The following KCNIP4 variants were observed in gnomAD, a reference collection of about 807,000 sequenced individuals.
KCNIP4 encodes potassium voltage-gated channel interacting protein 4.
In KCNIP4, 12 loss-of-function variants were observed where a neutral mutation model predicts 34.0. The ratio of observed to expected loss-of-function variants is 0.35; its 90% CI spans 0.23 to 0.57. The LOEUF is 0.57. Among genes scored for constraint, KCNIP4 ranks in the 20% least tolerant of loss-of-function variants. KCNIP4 has a pLI of 0.83. For missense variants in KCNIP4, 238 were observed against 311.7 expected, an observed-to-expected ratio of 0.76 and a Z score of 1.78; for synonymous variants, 124 against 102.2, an observed-to-expected ratio of 1.21 and a Z score of -1.29.
chr4:20,811,610 T>C (rs1560483267), intron 3 of KCNIP4, among the ~76,000 whole-genome samples: 2 of 152,166 alleles, frequency 1.3e-5, no homozygotes, highest in Non-Finnish European at 2.9e-5. Flanking sequence ...TTGAATGGCA[T>C]GCTAAGGAGT....
At chr4:21,338,845 T>C (rs1004179878) in intron 1 of KCNIP4, among the ~76,000 whole-genome samples, 1 of 152,124 alleles carries the variant, frequency 6.6e-6, no homozygotes, top group Non-Finnish European at 1.5e-5. Context: ...TCTTCATCAC[T>C]TAATCAGTTA....
intron 1 of KCNIP4, among the ~76,000 whole-genome samples, chr4:21,226,447 A>G (rs945434670): frequency 5.9e-5 from 9 of 151,728 alleles, no homozygotes; most frequent in African/African-American, 2.2e-4. Context: ...TGATGATACA[A>G]TTATGAACGT....
chr4:21,892,566 A>AAAC (rs1438595226), intron 1 of KCNIP4, among the ~76,000 whole-genome samples: 1 of 151,504 alleles, frequency 6.6e-6, no homozygotes, highest in African/African-American at 2.4e-5. Context: ...AAAAAAAAAA[A>AAAC]AACTATTGAT....
intron 1 of KCNIP4, among the ~76,000 whole-genome samples, chr4:21,794,709 C>T (rs1720513550): frequency 6.6e-6 from 1 of 152,014 alleles, no homozygotes; most frequent in South Asian, 2.1e-4. Context: ...AAAACTCCAG[C>T]TCTACTAAAA....
At chr4:21,587,146 T>C (rs1409767201) in intron 1 of KCNIP4, among the ~76,000 whole-genome samples, 2 of 152,084 alleles carry the variant, frequency 1.3e-5, no homozygotes, top group Non-Finnish European at 2.9e-5. Flanking sequence ...ATATGCTATG[T>C]AGATGGTTAG....
intron 1 of KCNIP4, among the ~76,000 whole-genome samples, chr4:21,440,102 C>T (rs1727326669): frequency 6.6e-6 from 1 of 152,162 alleles, no homozygotes; most frequent in African/African-American, 2.4e-5. Context: ...AATTCAGAAC[C>T]CTAGCCAAAA....
intron 1 of KCNIP4, among the ~76,000 whole-genome samples, chr4:21,920,827 G>T (rs1350541155): frequency 6.7e-6 from 1 of 150,122 alleles, no homozygotes; most frequent in Admixed American, 6.6e-5. Context: ...AGATACTAAT[G>T]GACACTTAAA....
intron 1 of KCNIP4, among the ~76,000 whole-genome samples, chr4:20,883,560 C>T (rs1003371633): frequency 3.3e-5 from 5 of 152,090 alleles, no homozygotes; most frequent in Non-Finnish European, 7.4e-5. Context: ...ACTTGGATGT[C>T]ATGTTAATAG....
chr4:21,684,867 G>A (rs948684925), intron 1 of KCNIP4, among the ~76,000 whole-genome samples: 11 of 151,938 alleles, frequency 7.2e-5, no homozygotes, highest in Admixed American at 6.6e-5. Context: ...CCCACCCTGT[G>A]TCCACTATGT....
chr4:21,752,453 A>G (rs750405819), intron 1 of KCNIP4, among the ~76,000 whole-genome samples: 3 of 152,220 alleles, frequency 2.0e-5, no homozygotes, highest in Admixed American at 6.5e-5. Context: ...CCAGGAGAAC[A>G]GCATGGGGCA....
At chr4:21,344,356 G>A (rs1487305340) in intron 1 of KCNIP4, among the ~76,000 whole-genome samples, 1 of 152,132 alleles carries the variant, frequency 6.6e-6, no homozygotes, top group Non-Finnish European at 1.5e-5. Context: ...CAGAGGATGA[G>A]GAGTGAAATA....
intron 1 of KCNIP4, among the ~76,000 whole-genome samples, chr4:21,855,980 G>T (rs6836067): frequency 0.98 from 149,105 of 152,330 alleles, 73,061 homozygotes; most frequent in East Asian, 1. Flanking sequence ...TAAAATGAGA[G>T]TTTTTACTTA....
intron 1 of KCNIP4, among the ~76,000 whole-genome samples, chr4:20,934,847 C>T (rs896598565): frequency 6.6e-6 from 1 of 152,220 alleles, no homozygotes; most frequent in Non-Finnish European, 1.5e-5. Flanking sequence ...GCAATTTATT[C>T]TCTCACAGCC....
chr4:20,803,607 G>A (rs906373245), intron 3 of KCNIP4, among the ~76,000 whole-genome samples: 3 of 150,966 alleles, frequency 2.0e-5, no homozygotes, highest in Non-Finnish European at 4.4e-5. Flanking sequence ...GCCGTAAGCT[G>A]AGATTGTGTT....
At chr4:21,065,602 C>T (rs1411042715) in intron 1 of KCNIP4, among the ~76,000 whole-genome samples, 3 of 151,262 alleles carry the variant, frequency 2.0e-5, no homozygotes, top group Non-Finnish European at 4.4e-5. Flanking sequence ...ATTATCTTTC[C>T]AAATTGCTGA....
At chr4:21,184,593 T>C (rs1344503851) in intron 1 of KCNIP4, among the ~76,000 whole-genome samples, 1 of 152,156 alleles carries the variant, frequency 6.6e-6, no homozygotes, top group African/African-American at 2.4e-5. Context: ...GCCAAGGTGA[T>C]AGGTTTGGCA....
chr4:21,289,041 T>C (rs1300356096), intron 1 of KCNIP4, among the ~76,000 whole-genome samples: 1 of 152,222 alleles, frequency 6.6e-6, no homozygotes, highest in Non-Finnish European at 1.5e-5. Context: ...CACAAGGCTA[T>C]TTGAATTCAA....
At chr4:21,676,879 C>T (rs1033802013) in intron 1 of KCNIP4, among the ~76,000 whole-genome samples, 2 of 151,592 alleles carry the variant, frequency 1.3e-5, no homozygotes, top group Non-Finnish European at 2.9e-5. Context: ...ACTGCAATCA[C>T]ATTTTATGAA....
chr4:20,966,303 A>G (rs2149668927), intron 1 of KCNIP4, among the ~76,000 whole-genome samples: 1 of 152,342 alleles, frequency 6.6e-6, no homozygotes, highest in East Asian at 1.9e-4. Context: ...GTGACAGGCC[A>G]TTAATAACTA....
Sources: allele counts gnomAD v4.1 joint callset (sites outside exome capture counted in the v4.1 genomes callset), GRCh38; gene constraint gnomAD v4.1.1; transcripts MANE v1.5; gene names NCBI Gene and HGNC (gene_info 2026-07-23, HGNC 2026-07-21).